Variants in SUMF2 observed in about 807,000 individuals in gnomAD.
SUMF2 encodes the protein sulfatase modifying factor 2.
A neutral mutation model predicts 44.8 loss-of-function variants in SUMF2; 45 were observed. The ratio of observed to expected loss-of-function variants is 1.00; its 90% confidence interval spans 0.79 to 1.29. SUMF2 has a LOEUF of 1.29. Ranked by LOEUF, SUMF2 falls within the 50% of genes most tolerant of loss-of-function variation. SUMF2 has a pLI of 0.00. For missense variants in SUMF2, 418 were observed against 389.9 expected (o/e 1.07, Z -0.61); for synonymous variants, 148 against 150.4 (o/e 0.98, Z 0.12).
chr7:56,066,082 CAAAAAAA>C (rs71015176), intron 1 of SUMF2, among the ~76,000 whole-genome samples: 14 of 69,688 alleles, frequency 2.0e-4, no homozygotes, highest in Non-Finnish European at 2.6e-4. Context: ...CTCCGCCTCA[CAAAAAAA>C]AAAAAAAAAA....
chr7:56,071,291 A>G (rs944962940), intron 2 of SUMF2, among the ~76,000 whole-genome samples: 6 of 152,200 alleles, frequency 3.9e-5, no homozygotes, highest in African/African-American at 1.4e-4. Flanking sequence ...CAGGAGGTCA[A>G]GGCTGCAGTG....
intron 2 of SUMF2, among the ~76,000 whole-genome samples, chr7:56,070,638 GA>G (rs879374862): frequency 4.7e-4 from 59 of 125,782 alleles, no homozygotes; most frequent in South Asian, 5.2e-4. Context: ...TCAAAAAAAA[GA>G]AAAAAAAAAA....
At chr7:56,078,304 G>A in intron 7 of SUMF2, 60 bp from the exon 8 acceptor site, 1 of 1,558,858 alleles carries the variant, frequency 6.4e-7, no homozygotes, top group Non-Finnish European at 8.7e-7. Flanking sequence ...CAGGACCTCA[G>A]AGGGTAGGCG....
downstream of SUMF2, chr7:56,083,196 A>C (rs1250148493): frequency 5.4e-5 from 68 of 1,258,558 alleles, no homozygotes; most frequent in Non-Finnish European, 6.8e-5. Flanking sequence ...AAGTTAGGGG[A>C]GAAACCCAGA....
downstream of SUMF2, chr7:56,084,007 A>G (rs1796143038): frequency 1.6e-6 from 1 of 617,618 alleles, no homozygotes; most frequent in Non-Finnish European, 2.8e-6. Context: ...CCCTGGAAAA[A>G]TTTTTCCCAC....
downstream of SUMF2, chr7:56,083,840 A>G (rs62457291): frequency 0.2 from 141,564 of 704,346 alleles, 15,492 homozygotes; most frequent in Middle Eastern, 0.26. Flanking sequence ...TCCGTGGAGA[A>G]CCACAGTCTG....
downstream of SUMF2, chr7:56,081,832 C>CGGGCAGG: frequency 6.2e-7 from 1 of 1,608,364 alleles, no homozygotes; most frequent in South Asian, 1.1e-5. This position sits in a 1 kb window ranked among gnomAD's most constrained non-coding sequence, Gnocchi z 4.6. Context: ...AGGGCCTCCC[C>CGGGCAGG]GGGCAGGGGC....
downstream of SUMF2, chr7:56,084,065 C>G (rs1796144799): frequency 8.1e-6 from 6 of 737,838 alleles, no homozygotes; most frequent in Non-Finnish European, 1.3e-5. Context: ...TCCCCAGGTT[C>G]CCATTACCCT....
At chr7:56,081,627 T>C (rs1167337622), downstream of SUMF2, 1 of 1,613,488 alleles carries the variant, frequency 6.2e-7, no homozygotes. This position sits in a 1 kb window ranked among gnomAD's most constrained non-coding sequence, Gnocchi z 4.6. Context: ...GGACGCTTAG[T>C]ACCTTGAACT....
At position 56,079,783 on chromosome 7, in the gene SUMF2, T is replaced by C. The variant is rs775979416; in HGVS notation, c.*171T>C. Reference sequence around the variant, plus strand: ...GCCTCTCACCAGGGCAGGAGAGGACTCAGCCTCCTGTGTTTTGGAGAAGGG... The same window carrying C: ...GCCTCTCACCAGGGCAGGAGAGGACCCAGCCTCCTGTGTTTTGGAGAAGGG... On this transcript the variant is annotated 3_prime_UTR_variant, in exon 9 of 9. Transcript: ENST00000434526. 1.0e-5 allele frequency: 16 copies of C among 1,555,156 alleles called. No homozygotes were observed. The highest frequency in any genetic ancestry group is 1.3e-5 in the Non-Finnish European group (15 of 1,148,526).
intron 8 of SUMF2, chr7:56,079,154 G>A: frequency 2.0e-6 from 1 of 495,842 alleles, no homozygotes; most frequent in South Asian, 4.0e-5. Context: ...GATTACAGGT[G>A]TGAGCCACTG....
chr7:56,078,313 C>T lies in SUMF2; in HGVS notation c.677-51C>T, dbSNP rs561741543. 1.3e-5 allele frequency: 21 copies of T among 1,556,736 alleles called. No homozygotes were observed. Among genetic ancestry groups the T allele is most frequent in the East Asian group, 4.6e-5 (2 of 43,870 alleles). On this transcript the variant is annotated intron_variant, in intron 7 of 8. Coordinates refer to ENST00000434526, the MANE Select transcript of SUMF2 (RefSeq NM_015411.4). ...GGCCCCCAGGACCTCAGAGGGTAGGCGGGGTGGTCGGCGGGTCCCAGCCTG... is the reference window on the plus strand; with the variant it reads ...GGCCCCCAGGACCTCAGAGGGTAGGTGGGGTGGTCGGCGGGTCCCAGCCTG...
chr7:56,082,398 G>A, downstream of SUMF2: 1 of 606,254 alleles, frequency 1.6e-6, no homozygotes, highest in East Asian at 2.8e-5. Context: ...TTCGAGACCA[G>A]CCTGGCCAAC....
At chr7:56,078,342 T>C (rs763049823) in intron 7 of SUMF2, 22 bp from the exon 8 acceptor site, 3 of 1,579,398 alleles carry the variant, frequency 1.9e-6, no homozygotes, top group Admixed American at 1.8e-5. Flanking sequence ...CAGCCTGGCC[T>C]GACCCGCCGG....
In SUMF2 at chr7:56,079,642, T is replaced by C; in HGVS notation, c.*30T>C. 6.2e-7 allele frequency: 1 copy of C among 1,614,146 alleles called. No homozygotes were observed. Among genetic ancestry groups the C allele is most frequent in the African/African-American group, 1.3e-5 (1 of 75,046 alleles). On this transcript the variant is annotated 3_prime_UTR_variant, in exon 9 of 9. Transcript: ENST00000434526. ...CCGGGTGGTGACAAGGAGAAAAGCC[T>C]TCTAGGGTCACTGTCATTCCCTGGC...
chr7:56,072,956 A>G, intron 2 of SUMF2, 41 bp from the exon 3 acceptor site: 1 of 1,518,016 alleles, frequency 6.6e-7, no homozygotes. Flanking sequence ...GGGTGGGCAC[A>G]GAACCTCACC....
chr7:56,072,139 AT>A (rs1169357348), intron 2 of SUMF2, among the ~76,000 whole-genome samples: 35 of 149,206 alleles, frequency 2.3e-4, no homozygotes, highest in Non-Finnish European at 3.4e-4. Context: ...AAAAAAAAAA[AT>A]ATTGGCCAAG....
chr7:56,078,805 G>A, intron 8 of SUMF2: 1 of 432,684 alleles, frequency 2.3e-6, no homozygotes, highest in Middle Eastern at 5.9e-4. Flanking sequence ...TTACCACTAG[G>A]TGGGCAAAGG....
chr7:56,078,553 G>T, intron 8 of SUMF2, 45 bp downstream of exon 8: 2 of 1,502,268 alleles, frequency 1.3e-6, no homozygotes, highest in Non-Finnish European at 8.9e-7. Flanking sequence ...GTAGCTGGGG[G>T]CTGATGTCTG....
Sources: allele counts gnomAD v4.1 joint callset (sites outside exome capture counted in the v4.1 genomes callset), GRCh38; gene constraint gnomAD v4.1.1; non-coding constraint Gnocchi (gnomAD v3.1); transcripts MANE v1.5; gene names NCBI Gene and HGNC (gene_info 2026-07-23, HGNC 2026-07-21).